Variants in IQUB observed in about 807,000 individuals in gnomAD.
The protein encoded by IQUB is IQ motif and ubiquitin domain containing, also known as IQ motif and ubiquitin-like domain-containing protein.
A neutral mutation model predicts 86.4 loss-of-function variants in IQUB; 86 were observed. The ratio of observed to expected loss-of-function variants is 1.00; its 90% CI spans 0.84 to 1.19. The LOEUF is 1.19. Among genes scored for constraint, IQUB ranks in the 50% most tolerant of loss-of-function variants. IQUB has a pLI of 0.00. For synonymous variants in IQUB, 289 were observed against 304.5 expected (o/e 0.95, Z 0.53); for missense variants, 946 against 916.9 (o/e 1.03, Z -0.41).
Position 123,502,991 on chromosome 7 carries a change from G to A in IQUB, c.820C>T (p.Pro274Ser), listed in dbSNP as rs749945228. ...EYHNAGTQTV[P>S]KRIPERLSIF... ...CTGAGTCTTTCGGGAATCCTTTTAG[G>A]TACAGTTTGTGTTCCAGCATTGTGA... Residue 274 changes from proline (P) to serine (S), a missense_variant, in exon 5 of 13, where the codon CCT (proline) becomes TCT (serine). By Grantham distance (74) the Pro-to-Ser change is moderately conservative. Coordinates refer to ENST00000324698, the MANE Select transcript of IQUB (RefSeq NM_178827.5). The A allele has an allele frequency of 5.6e-6, 9 of 1,612,714 alleles. No homozygotes were observed. Among genetic ancestry groups the A allele is most frequent in the Non-Finnish European group, 7.6e-6 (9 of 1,179,374 alleles).
rs572479423 is a variant in IQUB, at chr7:123,485,467, A to G, written c.1235-5497T>C. Reference sequence around the variant, plus strand: ...AACATATGGATTTGGGGGGAACATAAGTCAGCCCATTACAGATATCGATAA... The same window carrying G: ...AACATATGGATTTGGGGGGAACATAGGTCAGCCCATTACAGATATCGATAA... On this transcript the variant is annotated intron_variant, in intron 7 of 12. Coordinates refer to ENST00000324698, the MANE Select transcript of IQUB (RefSeq NM_178827.5). Among the ~76,000 whole-genome samples the G allele has an allele frequency of 2.0e-5, 3 of 152,282 alleles. No individual in the cohort carries two copies. In the East Asian group the frequency reaches 5.8e-4, roughly 29 times the overall value.
rs977004451 is a variant in IQUB at position 123,486,118 on chromosome 7, C to T, written c.1235-6148G>A. Among the ~76,000 whole-genome samples, 4 of 152,060 alleles carry T rather than the reference C, an allele frequency of 2.6e-5. No individual in the cohort carries two copies. In the East Asian group the frequency reaches 5.8e-4, roughly 22 times the overall value. ...CATGATTGTGTAGGTGAAGAAACCA[C>T]GAAAGGGTTTTACGTTAGACTGATA... On this transcript the variant is annotated intron_variant, in intron 7 of 12. Coordinates refer to ENST00000324698, the MANE Select transcript of IQUB (RefSeq NM_178827.5).
chr7:123,469,112 A>G (rs1794403736), intron 9 of IQUB, 102 bp downstream of exon 9: 4 of 876,764 alleles, frequency 4.6e-6, no homozygotes, highest in Admixed American at 3.1e-5. Context: ...AATTATACCA[A>G]AACAATTCTT....
intron 12 of IQUB, among the ~76,000 whole-genome samples, chr7:123,453,833 G>C (rs1793565604): frequency 6.6e-6 from 1 of 152,044 alleles, no homozygotes. Context: ...AAATTTTCTT[G>C]TTTCTCTGTA....
At chr7:123,487,022 T>A (rs929890017) in intron 7 of IQUB, among the ~76,000 whole-genome samples, 5 of 152,164 alleles carry the variant, frequency 3.3e-5, no homozygotes, top group African/African-American at 1.2e-4. Context: ...GGGAGGGACT[T>A]CATGGGAGGT....
chr7:123,502,402 T>C (rs1795985195), intron 6 of IQUB, 195 bp downstream of exon 6: 1 of 557,290 alleles, frequency 1.8e-6, no homozygotes, highest in Non-Finnish European at 3.1e-6. Context: ...AAGGAAGGAT[T>C]AGGAGCATTT....
At chr7:123,528,092 T>A (rs1017079497) in intron 1 of IQUB, among the ~76,000 whole-genome samples, 6 of 152,332 alleles carry the variant, frequency 3.9e-5, no homozygotes, top group Admixed American at 3.9e-4. Flanking sequence ...GTGCCGTCTG[T>A]CACCACTTTC....
chr7:123,490,463 C>T (rs1187386817), intron 7 of IQUB, among the ~76,000 whole-genome samples: 1 of 151,936 alleles, frequency 6.6e-6, no homozygotes, highest in Non-Finnish European at 1.5e-5. Context: ...TTTCAATACC[C>T]CCTCACAATA....
chr7:123,457,717 A>C (rs1793779078), intron 11 of IQUB, 151 bp from the exon 12 acceptor site: 2 of 633,568 alleles, frequency 3.2e-6, no homozygotes, highest in Admixed American at 3.6e-5. Flanking sequence ...TTTTTCACTA[A>C]ACTTCTGTTC....
chr7:123,479,730 G>A (rs1794908035), intron 8 of IQUB, 65 bp downstream of exon 8: 3 of 1,165,976 alleles, frequency 2.6e-6, no homozygotes, highest in African/African-American at 3.1e-5. Context: ...CTCTTGTCTG[G>A]TACATTATTC....
chr7:123,517,359 G>GT lies in IQUB; in HGVS notation c.-4-5016_-4-5015insA, dbSNP rs553171015. On this transcript the variant is annotated intron_variant, in intron 1 of 12. Transcript: ENST00000324698. ...ATCCTGGCTAACACGGTGAAACCCC[G>GT]CTCTACTAAAAATACAAAAAAATTA... is the stretch of plus-strand genomic sequence containing the variant. Among the ~76,000 whole-genome samples, 90 of 151,034 alleles carry GT rather than the reference G, an allele frequency of 6.0e-4. 1 individual carries two copies. Among genetic ancestry groups the GT allele is most frequent in the African/African-American group, 2.1e-3 (85 of 41,186 alleles).
chr7:123,507,000 G>A (rs113023031), intron 3 of IQUB, among the ~76,000 whole-genome samples: 1 of 152,126 alleles, frequency 6.6e-6, no homozygotes, highest in African/African-American at 2.4e-5. Context: ...ATGTAACTAT[G>A]TGACTGGCTG....
At chr7:123,479,733 C>T (rs1794908140) in intron 8 of IQUB, 62 bp downstream of exon 8, 16 of 1,203,790 alleles carry the variant, frequency 1.3e-5, no homozygotes, top group Admixed American at 4.4e-5. Flanking sequence ...TTGTCTGGTA[C>T]ATTATTCTAC....
At chr7:123,505,354 G>T (rs1796128481) in intron 3 of IQUB, among the ~76,000 whole-genome samples, 1 of 152,198 alleles carries the variant, frequency 6.6e-6, no homozygotes, top group African/African-American at 2.4e-5. Context: ...CACTCTGTGT[G>T]GGGGCTCCAA....
rs1426387477 is a variant in IQUB at position 123,457,489 on chromosome 7, A to G, written c.2085T>C (p.Asp695=). The G allele has an allele frequency of 6.2e-7, 1 of 1,611,024 alleles. No individual in the cohort carries two copies. The highest frequency in any genetic ancestry group is 1.1e-5 in the South Asian group (1 of 90,574). The part of the protein sequence containing the change: ...SVLSACDNLS[D]LVMVRWNKSL... The stretch of plus-strand genomic sequence containing the variant: ...ATTTATTCCATCTGACCATGACCAG[A>G]TCACTGAGATTGTCGCAAGCACTGA... Residue 695 remains aspartate, a synonymous_variant, in exon 12 of 13, where the codon GAT becomes GAC. Coordinates refer to ENST00000324698, the MANE Select transcript of IQUB (RefSeq NM_178827.5).
chr7:123,526,160 G>A (rs866548648), intron 1 of IQUB, among the ~76,000 whole-genome samples: 1 of 151,014 alleles, frequency 6.6e-6, no homozygotes, highest in African/African-American at 2.4e-5. Context: ...GTGTGGTGCT[G>A]AAAAAAATGT....
chr7:123,519,334 C>T (rs1355179100), intron 1 of IQUB, among the ~76,000 whole-genome samples: 1 of 152,094 alleles, frequency 6.6e-6, no homozygotes, highest in Non-Finnish European at 1.5e-5. Context: ...AGGAAATCAG[C>T]ATATTGAAGA....
intron 11 of IQUB, among the ~76,000 whole-genome samples, chr7:123,460,834 T>C (rs1346891760): frequency 6.6e-6 from 1 of 151,876 alleles, no homozygotes; most frequent in Non-Finnish European, 1.5e-5. Flanking sequence ...GAGCTAGAAG[T>C]TCTTACGAGA....
intron 12 of IQUB, among the ~76,000 whole-genome samples, chr7:123,454,485 A>ACTT (rs1793599126): frequency 6.6e-6 from 1 of 152,124 alleles, no homozygotes; most frequent in Admixed American, 6.6e-5. Context: ...CACATAGAAA[A>ACTT]CTTCCAGAAG....
Sources: allele counts gnomAD v4.1 joint callset (sites outside exome capture counted in the v4.1 genomes callset), GRCh38; gene constraint gnomAD v4.1.1; transcripts MANE v1.5; gene names NCBI Gene and HGNC (gene_info 2026-07-23, HGNC 2026-07-21).